DYNC1I2: variants seen among roughly 807,000 people sequenced by gnomAD.
The protein encoded by DYNC1I2 is dynein cytoplasmic 1 intermediate chain 2.
A neutral mutation model predicts 88.6 loss-of-function variants in DYNC1I2; 53 were observed. The ratio of observed to expected loss-of-function variants is 0.60; its 90% CI spans 0.48 to 0.75. The LOEUF (loss-of-function observed/expected upper bound fraction) is 0.75, where lower values mean the gene tolerates loss of function less well. Ranked by LOEUF, DYNC1I2 falls within the 30% of genes least tolerant of loss-of-function variation. The pLI is 0.00. For synonymous variants in DYNC1I2, 198 were observed against 254.6 expected (o/e 0.78, Z 2.12); for missense variants, 458 against 766.6 (o/e 0.60, Z 4.75).
At chr2:171,726,146 T>C (rs779722228) in intron 9 of DYNC1I2, 48 bp from the exon 10 acceptor site, 1 of 1,576,622 alleles carries the variant, frequency 6.3e-7, no homozygotes, top group Non-Finnish European at 8.6e-7. Context: ...TTAAGAGTGA[T>C]AAAAGTTATA....
chr2:171,704,611 C>T (rs1447103242), intron 3 of DYNC1I2, among the ~76,000 whole-genome samples: 1 of 152,124 alleles, frequency 6.6e-6, no homozygotes, highest in African/African-American at 2.4e-5. Context: ...ATTTTCAAGG[C>T]TGATTAGACT....
chr2:171,719,271 A>G (rs1300746132), intron 7 of DYNC1I2, among the ~76,000 whole-genome samples: 1 of 152,184 alleles, frequency 6.6e-6, no homozygotes, highest in Non-Finnish European at 1.5e-5. Flanking sequence ...GGGGGAAAAA[A>G]TGAGATAATT....
intron 7 of DYNC1I2, among the ~76,000 whole-genome samples, chr2:171,719,938 A>G (rs1437084382): frequency 6.6e-6 from 1 of 151,558 alleles, no homozygotes; most frequent in Non-Finnish European, 1.5e-5. Context: ...CCACAGATAC[A>G]CTCCTGGAAA....
intron 7 of DYNC1I2, among the ~76,000 whole-genome samples, chr2:171,723,800 G>A (rs1688056792): frequency 6.6e-6 from 1 of 152,178 alleles, no homozygotes; most frequent in Non-Finnish European, 1.5e-5. Flanking sequence ...CGCCTCCTCA[G>A]CAGGGTCACT....
At chr2:171,732,300 C>A (rs1447326693) in intron 15 of DYNC1I2, among the ~76,000 whole-genome samples, 1 of 152,206 alleles carries the variant, frequency 6.6e-6, no homozygotes, top group African/African-American at 2.4e-5. Flanking sequence ...CAGGAGGTTG[C>A]AGCAAGCCGA....
chr2:171,743,964 ATG>A (rs1439863540), intron 15 of DYNC1I2, 83 bp from the exon 16 acceptor site: 2 of 1,204,484 alleles, frequency 1.7e-6, no homozygotes, highest in Non-Finnish European at 2.2e-6. Flanking sequence ...TGTTGAATGT[ATG>A]TCATTTTTTT....
intron 11 of DYNC1I2, among the ~76,000 whole-genome samples, chr2:171,727,489 C>T (rs1357850681): frequency 6.6e-6 from 1 of 152,086 alleles, no homozygotes; most frequent in Non-Finnish European, 1.5e-5. Flanking sequence ...GTGTACTCTA[C>T]TGTTAGATTA....
intron 15 of DYNC1I2, among the ~76,000 whole-genome samples, chr2:171,739,929 C>T (rs1215811819): frequency 6.6e-6 from 1 of 152,084 alleles, no homozygotes; most frequent in African/African-American, 2.4e-5. Flanking sequence ...TGGTCTCAAA[C>T]TCCTGGCCTC....
intron 6 of DYNC1I2, among the ~76,000 whole-genome samples, chr2:171,714,894 A>G (rs1687380962): frequency 6.6e-6 from 1 of 152,156 alleles, no homozygotes. Context: ...TTCAGTCGTA[A>G]AGCTGAATTC....
chr2:171,724,743 G>A (rs1688123517), intron 7 of DYNC1I2, among the ~76,000 whole-genome samples: 1 of 152,210 alleles, frequency 6.6e-6, no homozygotes, highest in Non-Finnish European at 1.5e-5. Flanking sequence ...AATAACGCAT[G>A]TGTTTAGGCA....
At chr2:171,716,394 T>G (rs571180630) in intron 7 of DYNC1I2, among the ~76,000 whole-genome samples, 1 of 152,298 alleles carries the variant, frequency 6.6e-6, no homozygotes, top group Non-Finnish European at 1.5e-5. Flanking sequence ...TTTAGAGCTG[T>G]TAACAATTTT....
At chr2:171,746,663 A>T (rs1455186083) in intron 17 of DYNC1I2, among the ~76,000 whole-genome samples, 1 of 152,144 alleles carries the variant, frequency 6.6e-6, no homozygotes, top group Non-Finnish European at 1.5e-5. Flanking sequence ...CTGCACTAAT[A>T]TGGTAGCTTC....
rs570077304 is a variant in DYNC1I2 at position 171,713,606 on chromosome 2, CCATT to C, written c.395+791_395+794del. ...TTGACATAGAGATAAGATTATCCAT[CCATT>C]CATTCATTCAGTTATTTATTCTAGA... On this transcript the variant is annotated intron_variant, in intron 6 of 17. Coordinates refer to ENST00000397119, the MANE Select transcript of DYNC1I2 (RefSeq NM_001378.3). Among the ~76,000 whole-genome samples, 14 of 152,098 alleles carry C rather than the reference CCATT, an allele frequency of 9.2e-5. No homozygotes were observed. The South Asian group carries it at 2.9e-3, about 32-fold the overall frequency.
At chr2:171,722,028 A>G (rs991428619) in intron 7 of DYNC1I2, among the ~76,000 whole-genome samples, 11 of 152,176 alleles carry the variant, frequency 7.2e-5, no homozygotes, top group African/African-American at 2.7e-4. Flanking sequence ...TCTTAAATGT[A>G]TCTTAAATGT....
chr2:171,716,574 G>A (rs1687507900), intron 7 of DYNC1I2, among the ~76,000 whole-genome samples: 1 of 152,186 alleles, frequency 6.6e-6, no homozygotes, highest in Middle Eastern at 3.4e-3. Flanking sequence ...TACTACCAAA[G>A]AAAATCTTTA....
At position 171,726,001 on chromosome 2, in the gene DYNC1I2, A is replaced by T. The variant is rs768019940; in HGVS notation, c.690A>T (p.Thr230=). Residue 230 remains threonine, a synonymous_variant, in exon 9 of 18, where the codon ACA becomes ACT. Coordinates refer to ENST00000397119, the MANE Select transcript of DYNC1I2 (RefSeq NM_001378.3). ...TTTTAAGTTTCTTTGACCATTCTAC[A>T]AGAATTGTAGAAAGAGCTCTTTCTG... ...EEFLSFFDHS[T]RIVERALSEQ... 2 of 1,597,200 alleles carry T rather than the reference A, an allele frequency of 1.3e-6. No individual in the cohort carries two copies. Among genetic ancestry groups the T allele is most frequent in the East Asian group, 4.5e-5 (2 of 44,608 alleles).
intron 12 of DYNC1I2, 39 bp downstream of exon 12, chr2:171,728,006 C>A: frequency 6.2e-7 from 1 of 1,600,950 alleles, no homozygotes; most frequent in South Asian, 1.1e-5. Context: ...CTTCTGTGCT[C>A]CTTCATCCTT....
chr2:171,695,859 TGACTG>T (rs1320704221), intron 3 of DYNC1I2, among the ~76,000 whole-genome samples: 1 of 152,232 alleles, frequency 6.6e-6, no homozygotes, highest in African/African-American at 2.4e-5. Context: ...ATTCACATGA[TGACTG>T]GATATTATCC....
intron 3 of DYNC1I2, among the ~76,000 whole-genome samples, chr2:171,693,775 T>G (rs1685557175): frequency 6.6e-6 from 1 of 152,246 alleles, no homozygotes; most frequent in Non-Finnish European, 1.5e-5. Context: ...TTCAGCTCAT[T>G]TTCCTTTTCT....
Sources: allele counts gnomAD v4.1 joint callset (sites outside exome capture counted in the v4.1 genomes callset), GRCh38; gene constraint gnomAD v4.1.1; transcripts MANE v1.5; gene names NCBI Gene and HGNC (gene_info 2026-07-23, HGNC 2026-07-21).